Variants in CCDC126 observed in about 807,000 individuals in gnomAD.
The protein encoded by CCDC126 is coiled-coil domain containing 126, also known as coiled-coil domain-containing protein 126.
CCDC126 carries 5 observed loss-of-function variants against 11.7 expected under a neutral mutation model. That is an observed-to-expected ratio of 0.43 (90% CI 0.22 to 0.90). The LOEUF (loss-of-function observed/expected upper bound fraction) is 0.90, where lower values mean the gene tolerates loss of function less well. Ranked by LOEUF, CCDC126 falls within the 40% of genes least tolerant of loss-of-function variation. The pLI is 0.27. For synonymous variants in CCDC126, 60 were observed against 61.9 expected (o/e 0.97, Z 0.14); for missense variants, 150 against 163.1 (o/e 0.92, Z 0.44).
chr7:23,623,749 G>A (rs1782966949), intron 3 of CCDC126, among the ~76,000 whole-genome samples: 1 of 152,142 alleles, frequency 6.6e-6, no homozygotes, highest in South Asian at 2.1e-4. Context: ...TCTCATCACA[G>A]AAATATATTT....
chr7:23,622,181 G>A (rs751147701), intron 3 of CCDC126, among the ~76,000 whole-genome samples: 4 of 152,164 alleles, frequency 2.6e-5, no homozygotes, highest in Admixed American at 6.5e-5. Flanking sequence ...TGTACCTCTG[G>A]TAGAATTCGG....
chr7:23,615,916 G>A (rs1782788131), intron 3 of CCDC126, among the ~76,000 whole-genome samples: 2 of 152,178 alleles, frequency 1.3e-5, no homozygotes, highest in Non-Finnish European at 2.9e-5. Context: ...TCTGAAATAT[G>A]ATGAGAATTA....
intron 3 of CCDC126, among the ~76,000 whole-genome samples, chr7:23,641,215 A>T (rs1783350284): frequency 6.6e-6 from 1 of 152,084 alleles, no homozygotes; most frequent in Admixed American, 6.6e-5. Flanking sequence ...TAAGTGTGAA[A>T]TGGTATCTCA....
At chr7:23,618,892 C>T (rs1224496545) in intron 3 of CCDC126, among the ~76,000 whole-genome samples, 1 of 151,950 alleles carries the variant, frequency 6.6e-6, no homozygotes, top group Non-Finnish European at 1.5e-5. Flanking sequence ...TATTTTATTC[C>T]TTTGAGATGA....
chr7:23,635,745 A>G (rs1039005654), intron 3 of CCDC126, among the ~76,000 whole-genome samples: 3 of 152,176 alleles, frequency 2.0e-5, no homozygotes, highest in African/African-American at 4.8e-5. Flanking sequence ...TTAATTGCCA[A>G]TTTCTAACCC....
At chr7:23,634,619 C>T (rs1021343269) in intron 3 of CCDC126, among the ~76,000 whole-genome samples, 11 of 152,172 alleles carry the variant, frequency 7.2e-5, no homozygotes, top group African/African-American at 2.2e-4. Flanking sequence ...GAAGAGTGAG[C>T]GATTCCAGTA....
At chr7:23,605,504 A>G (rs188080955) in intron 2 of CCDC126, among the ~76,000 whole-genome samples, 1 of 152,142 alleles carries the variant, frequency 6.6e-6, no homozygotes, top group Non-Finnish European at 1.5e-5. Context: ...GTTCAGTGAC[A>G]TTAAGTACGT....
intron 2 of CCDC126, among the ~76,000 whole-genome samples, chr7:23,600,848 G>A (rs1451676164): frequency 6.6e-6 from 1 of 152,118 alleles, no homozygotes; most frequent in Non-Finnish European, 1.5e-5. Flanking sequence ...CAGATGACAG[G>A]GAGTGTGAAA....
chr7:23,618,947 G>C (rs987657453), intron 3 of CCDC126, among the ~76,000 whole-genome samples: 7 of 152,254 alleles, frequency 4.6e-5, no homozygotes, highest in African/African-American at 1.7e-4. Flanking sequence ...GAGCTGGTCA[G>C]ATACCCTGGA....
intron 3 of CCDC126, among the ~76,000 whole-genome samples, chr7:23,615,131 A>G (rs969478245): frequency 6.6e-6 from 1 of 152,174 alleles, no homozygotes; most frequent in African/African-American, 2.4e-5. Context: ...AAAATTTGTT[A>G]CTTAGTATAG....
chr7:23,641,638 G>T (rs1783357807), intron 3 of CCDC126, among the ~76,000 whole-genome samples: 1 of 152,026 alleles, frequency 6.6e-6, no homozygotes, highest in South Asian at 2.1e-4. Flanking sequence ...TCATTTTTTG[G>T]TCCAGGATCA....
chr7:23,641,962 G>A (rs1410685133), intron 3 of CCDC126, among the ~76,000 whole-genome samples: 1 of 152,158 alleles, frequency 6.6e-6, no homozygotes, highest in African/African-American at 2.4e-5. Context: ...GTATTTCATG[G>A]ACTCTCTTTC....
chr7:23,600,417 A>G (rs762863203), intron 2 of CCDC126, among the ~76,000 whole-genome samples: 5 of 128,230 alleles, frequency 3.9e-5, no homozygotes, highest in Admixed American at 9.1e-5. Context: ...GCAGTGTTAC[A>G]TAGAGAAAAT....
chr7:23,618,848 C>G (rs1782840572), intron 3 of CCDC126, among the ~76,000 whole-genome samples: 1 of 152,130 alleles, frequency 6.6e-6, no homozygotes, highest in Non-Finnish European at 1.5e-5. Flanking sequence ...AGCCACCGCG[C>G]TTGGCCTAAA....
intron 3 of CCDC126, among the ~76,000 whole-genome samples, chr7:23,638,190 C>T (rs1331545175): frequency 2.0e-5 from 3 of 151,504 alleles, no homozygotes; most frequent in Admixed American, 6.6e-5. Context: ...CCCCTCTGCC[C>T]GGCCACGACC....
chr7:23,607,872 G>A (rs1396658444), intron 2 of CCDC126, among the ~76,000 whole-genome samples: 1 of 152,168 alleles, frequency 6.6e-6, no homozygotes, highest in African/African-American at 2.4e-5. Context: ...GGAAAGGAGA[G>A]CTTTATTTCT....
At chr7:23,636,025 ACTGGT>A (rs1783203243) in intron 3 of CCDC126, among the ~76,000 whole-genome samples, 3 of 148,490 alleles carry the variant, frequency 2.0e-5, no homozygotes, top group Non-Finnish European at 4.5e-5. Context: ...GCCACGCCTG[ACTGGT>A]TTTCGTTTTT....
chr7:23,638,727 TAAAAA>T (rs70954398), intron 3 of CCDC126, among the ~76,000 whole-genome samples: 3 of 89,666 alleles, frequency 3.3e-5, no homozygotes, highest in Middle Eastern at 7.8e-3. Flanking sequence ...AAAAAAAAAT[TAAAAA>T]AAAAAAAAAA....
chr7:23,637,530 G>T (rs1783254451), intron 3 of CCDC126, among the ~76,000 whole-genome samples: 1 of 57,298 alleles, frequency 1.7e-5, no homozygotes, highest in Non-Finnish European at 3.4e-5. Flanking sequence ...GAGGGAGGTG[G>T]GGGGATCAGC....
Sources: allele counts gnomAD v4.1 joint callset (sites outside exome capture counted in the v4.1 genomes callset), GRCh38; gene constraint gnomAD v4.1.1; transcripts MANE v1.5; gene names NCBI Gene and HGNC (gene_info 2026-07-23, HGNC 2026-07-21).